EXOC3L4: variants seen among roughly 807,000 people sequenced by gnomAD.
EXOC3L4 encodes exocyst complex component 3-like protein 4.
EXOC3L4 carries 62 observed loss-of-function variants against 69.7 expected under a neutral mutation model. That is an observed-to-expected ratio of 0.89 (90% CI 0.72 to 1.10). The LOEUF (loss-of-function observed/expected upper bound fraction) is 1.10, where lower values mean the gene tolerates loss of function less well. Ranked by LOEUF, EXOC3L4 falls within the 50% of genes least tolerant of loss-of-function variation. The probability of loss-of-function intolerance (pLI) is 0.00; values close to 1 mark genes in which losing one functional copy is unlikely to be tolerated. For missense variants in EXOC3L4, 1,087 were observed against 1,034.8 expected (o/e 1.05, Z -0.69); for synonymous variants, 502 against 464.2 (o/e 1.08, Z -1.05).
chr14:103,110,058 G>A lies in EXOC3L4; in HGVS notation c.2004G>A (p.Ala668=), dbSNP rs729185. 263,562 of 1,598,970 alleles carry A rather than the reference G, an allele frequency of 0.16. 29,473 individuals carry two copies. Among genetic ancestry groups the A allele is most frequent in the East Asian group, 0.48 (21,151 of 44,340 alleles). ...IRRDHILAIL[A]LRRLGRQRNQ... ...GGGACCACATACTGGCCATTCTGGC[G>A]CTGCGCCGACTGGGCCGCCAGCGGA... The change falls in exon 12 of 12, where the codon GCG becomes GCA. Residue 668 remains alanine, a synonymous_variant. Transcript: ENST00000688303.
intron 2 of EXOC3L4, among the ~76,000 whole-genome samples, chr14:103,100,961 G>C (rs1890157978): frequency 2.0e-5 from 3 of 148,116 alleles, no homozygotes; most frequent in African/African-American, 7.5e-5. Context: ...GGAGTGCAGT[G>C]ACGCAATCTT....
In EXOC3L4 at chr14:103,097,957, G is replaced by T. The variant is rs938302010; in HGVS notation, c.-16-2247G>T. ...ATGGATGCCCGGCTGTGGGGCTCGG[G>T]CAGGAGGGAACCATGGAAGGGCTTA... On this transcript the variant is annotated intron_variant, in intron 1 of 11. Coordinates refer to ENST00000688303, the MANE Select transcript of EXOC3L4 (RefSeq NM_001077594.2). The surrounding 1 kb of genome is among the most constrained non-coding windows in gnomAD (Gnocchi z 4.9). Among the ~76,000 whole-genome samples, 6 of 152,074 alleles carry T rather than the reference G, an allele frequency of 3.9e-5. No individual in the cohort carries two copies. The highest frequency in any genetic ancestry group is 3.9e-4 in the Admixed American group (6 of 15,282).
At position 103,107,728 on chromosome 14, in the gene EXOC3L4, G is replaced by A. The variant is rs756718468; in HGVS notation, c.1799G>A (p.Gly600Asp). 9.0e-6 allele frequency: 14 copies of A among 1,549,200 alleles called. No individual in the cohort carries two copies. The highest frequency in any genetic ancestry group is 2.7e-5 in the African/African-American group (2 of 73,420). Residue 600 changes from glycine to aspartate, a missense_variant, in exon 10 of 12, where the codon GGC (glycine) becomes GAC (aspartate). Gly to Asp is a moderately conservative substitution (Grantham distance 94). Coordinates refer to ENST00000688303, the MANE Select transcript of EXOC3L4 (RefSeq NM_001077594.2). The stretch of plus-strand genomic sequence containing the variant: ...TTCCGGGGCATGGAGCGCATGCATG[G>A]CTCCCAGAAGATGAGCCTGGATGCC... ...ERFRGMERMH[G>D]SQKMSLDAQA...
Position 103,102,103 on chromosome 14 carries a change from C to G in EXOC3L4, c.395-15C>G. 1 of 1,587,220 alleles carries G rather than the reference C, an allele frequency of 6.3e-7. No individual in the cohort carries two copies. The highest frequency in any genetic ancestry group is 8.6e-7 in the Non-Finnish European group (1 of 1,167,490). ...GGGCGGTCCCTCTCACCGCCCTTCT[C>G]GCCCGCCTGTGCAGAAGGCAAATCC... is the stretch of plus-strand genomic sequence containing the variant. On this transcript the variant is annotated splice_polypyrimidine_tract_variant and intron_variant, in intron 2 of 11. Coordinates refer to ENST00000688303, the MANE Select transcript of EXOC3L4 (RefSeq NM_001077594.2).
At position 103,105,087 on chromosome 14, in the gene EXOC3L4, C is replaced by T; in HGVS notation, c.1466+15C>T. 1.3e-6 allele frequency: 2 copies of T among 1,589,074 alleles called. No individual in the cohort carries two copies. The highest frequency in any genetic ancestry group is 1.7e-6 in the Non-Finnish European group (2 of 1,165,182). On this transcript the variant is annotated intron_variant, in intron 7 of 11. Transcript: ENST00000688303. Reference sequence around the variant, plus strand: ...GAGGAGCTCAGGTAGGGCTCGCCCGCTCCTGTGCGGGCGCAGCGTGGCCAG... The same window carrying T: ...GAGGAGCTCAGGTAGGGCTCGCCCGTTCCTGTGCGGGCGCAGCGTGGCCAG...
intron 5 of EXOC3L4, 129 bp from the exon 6 acceptor site, chr14:103,104,609 T>C: frequency 8.1e-7 from 1 of 1,235,642 alleles, no homozygotes; most frequent in Non-Finnish European, 1.1e-6. Context: ...GTTGGGCGGC[T>C]GAAAGCTGGA....
At position 103,103,718 on chromosome 14, in the gene EXOC3L4, G is replaced by A; in HGVS notation, c.1050-223G>A. On this transcript the variant is annotated intron_variant, in intron 3 of 11. Transcript: ENST00000688303. ...GCCATCTGGGTAGCCGTCCTTCAGC[G>A]TTCTGCAGGAAGGCAGGAACCCAGC... The A allele has an allele frequency of 1.9e-5, 10 of 529,284 alleles. No homozygotes were observed. In the South Asian group the frequency reaches 2.0e-4, roughly 10 times the overall value. 32.8% of individuals were successfully genotyped at this position (529,284 alleles called of 1,614,324 possible).
intron 10 of EXOC3L4, 24 bp from the exon 11 acceptor site, chr14:103,108,372 G>T: frequency 6.2e-7 from 1 of 1,610,004 alleles, no homozygotes; most frequent in Non-Finnish European, 8.5e-7. Context: ...GGCTGTTGGG[G>T]CAGGCGGTGG....
chr14:103,095,025 G>A (rs907137820), intron 1 of EXOC3L4, among the ~76,000 whole-genome samples, 185 bp downstream of exon 1: 1 of 152,222 alleles, frequency 6.6e-6, no homozygotes, highest in Admixed American at 6.5e-5. Context: ...GACACACTCA[G>A]GTAGAAAGCA....
intron 5 of EXOC3L4, 41 bp from the exon 6 acceptor site, chr14:103,104,697 G>A: frequency 1.4e-6 from 2 of 1,434,728 alleles, no homozygotes; most frequent in Admixed American, 2.7e-5. Flanking sequence ...GCCTCAGGTC[G>A]GGGGCTGGGA....
In EXOC3L4 at chr14:103,097,470, A is replaced by T. The variant is rs1363718265; in HGVS notation, c.-17+2630A>T. Among the ~76,000 whole-genome samples, 1 of 151,986 alleles carries T rather than the reference A, an allele frequency of 6.6e-6. No homozygotes were observed. Among genetic ancestry groups the T allele is most frequent in the African/African-American group, 2.4e-5 (1 of 41,366 alleles). ...GGACAGGCCAGGCGAGAGCCTTGGG[A>T]GGTGGAGGGGGGAGTTGAGAGGGGC... On this transcript the variant is annotated intron_variant, in intron 1 of 11. Transcript: ENST00000688303. The surrounding 1 kb of genome is among the most constrained non-coding windows in gnomAD (Gnocchi z 4.9).
intron 7 of EXOC3L4, 103 bp from the exon 8 acceptor site, chr14:103,106,682 G>A (rs951640184): frequency 3.0e-6 from 2 of 669,332 alleles, no homozygotes; most frequent in Admixed American, 6.3e-5. Context: ...CCCACGGGCT[G>A]CCCTTCACAT....
intron 1 of EXOC3L4, among the ~76,000 whole-genome samples, chr14:103,098,130 T>C (rs74083803): frequency 0.016 from 2,476 of 152,062 alleles, 62 homozygotes; most frequent in African/African-American, 0.055. Context: ...GAAGTTCTGG[T>C]TTGGGACAAA....
intron 7 of EXOC3L4, 150 bp from the exon 8 acceptor site, chr14:103,106,635 C>T (rs1890563813): frequency 3.5e-6 from 2 of 578,144 alleles, no homozygotes; most frequent in Non-Finnish European, 6.1e-6. Flanking sequence ...TGCTGTCCCC[C>T]ACTTGACTCT....
chr14:103,102,046 G>A (rs548920912), intron 2 of EXOC3L4, 72 bp from the exon 3 acceptor site: 3 of 1,460,940 alleles, frequency 2.1e-6, no homozygotes, highest in Admixed American at 4.1e-5. Flanking sequence ...TTGAGCCGTG[G>A]CCTGCAGGTC....
Position 103,110,475 on chromosome 14 carries a change from G to C in EXOC3L4, c.*252G>C, listed in dbSNP as rs370794860. The C allele has an allele frequency of 3.4e-6, 2 of 580,170 alleles. No individual in the cohort carries two copies. Among genetic ancestry groups the C allele is most frequent in the Non-Finnish European group, 6.3e-6 (2 of 318,926 alleles). The allele number at this position is 580,170 out of a possible 1,614,324, so 35.9% of individuals were successfully genotyped here. On this transcript the variant is annotated 3_prime_UTR_variant, in exon 12 of 12. Coordinates refer to ENST00000688303, the MANE Select transcript of EXOC3L4 (RefSeq NM_001077594.2). ...AATGCTGCCTATCGGGCGGGGGGGG[G>C]CCTCCCGCCCGACTGTCCAGCTTCA...
chr14:103,107,837 C>T, intron 10 of EXOC3L4, 54 bp downstream of exon 10: 1 of 1,464,218 alleles, frequency 6.8e-7, no homozygotes, highest in South Asian at 1.4e-5. Flanking sequence ...GGAGTGGTGG[C>T]AGTGACTAGG....
intron 3 of EXOC3L4, 144 bp from the exon 4 acceptor site, chr14:103,103,797 C>CAT: frequency 4.6e-6 from 2 of 432,430 alleles, no homozygotes; most frequent in East Asian, 4.1e-5. Context: ...GGCGCGCGCG[C>CAT]GTGTGTGTGT....
In EXOC3L4 at chr14:103,102,310, T is replaced by C; in HGVS notation, c.587T>C (p.Ile196Thr). The C allele has an allele frequency of 6.4e-7, 1 of 1,569,002 alleles. No homozygotes were observed. Among genetic ancestry groups the C allele is most frequent in the Non-Finnish European group, 8.6e-7 (1 of 1,163,520 alleles). The change falls in exon 3 of 12, where the codon ATC becomes ACC. Residue 196 changes from isoleucine (I) to threonine (T), a missense_variant. Ile to Thr is a moderately conservative substitution (Grantham distance 89). Coordinates refer to ENST00000688303, the MANE Select transcript of EXOC3L4 (RefSeq NM_001077594.2). ...YDGLAAEIGAIVRETLDSDGV... is the reference protein window; with the variant it reads ...YDGLAAEIGATVRETLDSDGV... ...GGGCTGGCAGCCGAGATCGGCGCCATCGTGCGCGAGACGCTGGACAGCGAC... is the reference window on the plus strand; with the variant it reads ...GGGCTGGCAGCCGAGATCGGCGCCACCGTGCGCGAGACGCTGGACAGCGAC...
Sources: allele counts gnomAD v4.1 joint callset (sites outside exome capture counted in the v4.1 genomes callset), GRCh38; gene constraint gnomAD v4.1.1; non-coding constraint Gnocchi (gnomAD v3.1); transcripts MANE v1.5; gene names NCBI Gene and HGNC (gene_info 2026-07-23, HGNC 2026-07-21).